The following MAF variants were observed in gnomAD, a reference collection of about 807,000 sequenced individuals.
The protein encoded by MAF is MAF bZIP transcription factor, also known as transcription factor Maf.
A neutral mutation model predicts 22.0 loss-of-function variants in MAF; 10 were observed. The observed-to-expected ratio is 0.45, with a 90% CI of 0.28 to 0.77. MAF has a LOEUF of 0.77. MAF is among the 30% of genes least tolerant of loss of function. The pLI is 0.12. For synonymous variants in MAF, 337 were observed against 255.8 expected (o/e 1.32, Z -3.03); for missense variants, 544 against 548.4 (o/e 0.99, Z 0.08).
At chr16:79,457,334 G>A in the MAF span, among the ~76,000 whole-genome samples, 1 of 150,430 alleles carries the variant, frequency 6.6e-6, no homozygotes, top group Non-Finnish European at 1.5e-5. Context: ...CATGGGAGAT[G>A]TAAAACAGCA....
At chr16:79,582,451 A>G (rs1391470274), downstream of MAF, among the ~76,000 whole-genome samples, 1 of 152,176 alleles carries the variant, frequency 6.6e-6, no homozygotes, top group Non-Finnish European at 1.5e-5. Flanking sequence ...TGGCTCCTTC[A>G]ATAGTACCCC....
the MAF span, among the ~76,000 whole-genome samples, chr16:79,371,209 A>G: frequency 1.3e-5 from 2 of 152,024 alleles, no homozygotes; most frequent in Non-Finnish European, 2.9e-5. Context: ...CCTCTTCAAC[A>G]TAGTGGTCTC....
chr16:79,381,632 C>G, the MAF span, among the ~76,000 whole-genome samples: 1 of 152,170 alleles, frequency 6.6e-6, no homozygotes, highest in Admixed American at 6.5e-5. Flanking sequence ...GGCTGTCACT[C>G]TGTCTGGGGG....
At chr16:79,514,106 G>A in the MAF span, among the ~76,000 whole-genome samples, 1 of 152,086 alleles carries the variant, frequency 6.6e-6, no homozygotes, top group Non-Finnish European at 1.5e-5. Context: ...GTTGTTTTCA[G>A]ATAAATCACA....
At chr16:79,380,826 T>A in the MAF span, among the ~76,000 whole-genome samples, 3 of 152,236 alleles carry the variant, frequency 2.0e-5, no homozygotes, top group Admixed American at 6.5e-5. Context: ...AGCTGTGGTA[T>A]TACTCTGAAT....
the MAF span, among the ~76,000 whole-genome samples, chr16:79,249,703 A>T: frequency 6.6e-6 from 1 of 152,160 alleles, no homozygotes; most frequent in Non-Finnish European, 1.5e-5. Context: ...AAGTTAGCTT[A>T]AAAATCTCTT....
At chr16:79,286,540 G>A in the MAF span, among the ~76,000 whole-genome samples, 1 of 152,152 alleles carries the variant, frequency 6.6e-6, no homozygotes, top group Non-Finnish European at 1.5e-5. Flanking sequence ...ATCCTTGCAT[G>A]CACACGTGTA....
At chr16:79,559,930 G>T in the MAF span, among the ~76,000 whole-genome samples, 3 of 152,106 alleles carry the variant, frequency 2.0e-5, no homozygotes, top group Non-Finnish European at 4.4e-5. Context: ...TTGAGACAGG[G>T]TCTGGCTCTG....
At chr16:79,339,929 G>A in the MAF span, among the ~76,000 whole-genome samples, 2 of 152,148 alleles carry the variant, frequency 1.3e-5, no homozygotes, top group Admixed American at 6.5e-5. Flanking sequence ...CCATTATTTA[G>A]CAAGTTCTTC....
chr16:79,320,789 G>A, the MAF span, among the ~76,000 whole-genome samples: 5,698 of 151,624 alleles, frequency 0.038, 368 homozygotes, highest in African/African-American at 0.13. Flanking sequence ...AATGGGTGAC[G>A]TTTATAGAGT....
At chr16:79,515,467 A>C in the MAF span, among the ~76,000 whole-genome samples, 1 of 152,220 alleles carries the variant, frequency 6.6e-6, no homozygotes, top group African/African-American at 2.4e-5. Flanking sequence ...ATTACAAAAC[A>C]GACTTTGCGT....
chr16:79,555,901 C>T, the MAF span, among the ~76,000 whole-genome samples: 1,773 of 151,726 alleles, frequency 0.012, 27 homozygotes, highest in African/African-American at 0.041. Context: ...GGTATTTCTA[C>T]GAAACAGATA....
chr16:79,497,070 C>T, the MAF span, among the ~76,000 whole-genome samples: 1 of 152,152 alleles, frequency 6.6e-6, no homozygotes, highest in Non-Finnish European at 1.5e-5. Flanking sequence ...TCTCCCAACT[C>T]TCTTAAGTCA....
At chr16:79,347,609 G>C in the MAF span, among the ~76,000 whole-genome samples, 3 of 152,204 alleles carry the variant, frequency 2.0e-5, no homozygotes, top group Admixed American at 1.3e-4. Context: ...CGGCAGGGGA[G>C]GTGTCAGAGA....
At chr16:79,488,972 G>A in the MAF span, among the ~76,000 whole-genome samples, 1 of 152,328 alleles carries the variant, frequency 6.6e-6, no homozygotes, top group Middle Eastern at 3.4e-3. Context: ...TTTCAGGGCA[G>A]AGAACATAGT....
chr16:79,577,678 A>G, the MAF span, among the ~76,000 whole-genome samples: 1 of 152,226 alleles, frequency 6.6e-6, no homozygotes, highest in African/African-American at 2.4e-5. Context: ...ATCAGAAGAA[A>G]TGCTAAATGT....
chr16:79,575,176 C>G, the MAF span, among the ~76,000 whole-genome samples: 117 of 152,208 alleles, frequency 7.7e-4, no homozygotes, highest in African/African-American at 2.7e-3. Flanking sequence ...CTACTCACTC[C>G]TCTCTTCTAA....
chr16:79,211,776 C>T, the MAF span: 1 of 1,614,124 alleles, frequency 6.2e-7, no homozygotes, highest in Middle Eastern at 1.6e-4. Context: ...CCAAGAACGG[C>T]TTGGCAGCCA....
the MAF span, among the ~76,000 whole-genome samples, chr16:79,359,631 A>C: frequency 6.6e-6 from 1 of 152,246 alleles, no homozygotes; most frequent in Non-Finnish European, 1.5e-5. Flanking sequence ...CATTACGGAA[A>C]TCAATTAAGG....
Sources: gnomAD v4.1 joint callset for allele counts (sites outside exome capture counted in the v4.1 genomes callset) on GRCh38, gnomAD v4.1.1 for gene constraint, MANE v1.5 for transcripts, NCBI Gene and HGNC (gene_info 2026-07-23, HGNC 2026-07-21) for gene names.